Variants in DNAH3 observed in about 807,000 individuals in gnomAD.
DNAH3 encodes the protein dynein axonemal heavy chain 3.
In DNAH3, 332 loss-of-function variants were observed where a neutral mutation model predicts 432.5. The observed-to-expected ratio is 0.77, with a 90% CI of 0.70 to 0.84. The LOEUF (loss-of-function observed/expected upper bound fraction) is 0.84, where lower values mean the gene tolerates loss of function less well. Among genes scored for constraint, DNAH3 ranks in the 40% least tolerant of loss-of-function variants. DNAH3 has a pLI of 0.00. For missense variants in DNAH3, 4,861 were observed against 5,114.0 expected, an observed-to-expected ratio of 0.95 and a Z score of 1.51; for synonymous variants, 1,956 against 1,900.2, an observed-to-expected ratio of 1.03 and a Z score of -0.76.
At chr16:21,074,932 G>A (rs1429948794) in intron 21 of DNAH3, among the ~76,000 whole-genome samples, 2 of 152,296 alleles carry the variant, frequency 1.3e-5, no homozygotes, top group African/African-American at 2.4e-5. Context: ...AAGTGCAAGT[G>A]AAAAGAAAGA....
chr16:21,057,680 C>T (rs990064629), intron 27 of DNAH3, among the ~76,000 whole-genome samples: 11 of 151,992 alleles, frequency 7.2e-5, no homozygotes, highest in African/African-American at 2.2e-4. Flanking sequence ...GAAGGCAGGA[C>T]GGGAGGTGGG....
intron 41 of DNAH3, among the ~76,000 whole-genome samples, chr16:21,009,975 AGAG>A (rs2087513079): frequency 6.6e-6 from 1 of 151,868 alleles, no homozygotes; most frequent in Admixed American, 6.6e-5. Flanking sequence ...GGAGAAGAGA[AGAG>A]AAGAGAAAAG....
At chr16:21,000,026 A>G (rs1398890071) in intron 43 of DNAH3, among the ~76,000 whole-genome samples, 198 bp downstream of exon 43, 1 of 150,672 alleles carries the variant, frequency 6.6e-6, no homozygotes, top group African/African-American at 2.4e-5. Context: ...GGGAAGAAGG[A>G]AAGGAGGGAG....
exon 34 of DNAH3, chr16:21,037,953 G>A: frequency 6.2e-7 from 1 of 1,614,182 alleles, no homozygotes; most frequent in Non-Finnish European, 8.5e-7. Flanking sequence ...AGCACAGGCG[G>A]TAGGTCGCAA....
exon 33 of DNAH3, chr16:21,039,907 A>G (rs748976120): frequency 6.2e-7 from 1 of 1,613,742 alleles, no homozygotes; most frequent in East Asian, 2.2e-5. Flanking sequence ...ATGAGGGCGT[A>G]ATCTGGGACC....
At chr16:21,139,578 G>A (rs1397769072) in intron 5 of DNAH3, among the ~76,000 whole-genome samples, 3 of 151,746 alleles carry the variant, frequency 2.0e-5, no homozygotes, top group Admixed American at 6.6e-5. Context: ...CCAGGGACAA[G>A]TGATCCTCCC....
intron 52 of DNAH3, among the ~76,000 whole-genome samples, chr16:20,966,014 ATTTTTTTTTTTTTTTTTTTTTTTT>A (rs555983378): frequency 0.012 from 575 of 48,426 alleles, 40 homozygotes; most frequent in African/African-American, 0.045. Context: ...TGCCCAGCCA[ATTTTTTTTTTTTTTTTTTTTTTTT>A]TTTTTTTTTT....
chr16:20,994,168 G>A (rs898417688), intron 44 of DNAH3, among the ~76,000 whole-genome samples: 4 of 151,960 alleles, frequency 2.6e-5, no homozygotes, highest in Non-Finnish European at 4.4e-5. Context: ...AGTGGCTCAC[G>A]CCTGTAATCC....
intron 57 of DNAH3, 65 bp downstream of exon 57, chr16:20,948,418 G>A: frequency 4.5e-6 from 7 of 1,543,220 alleles, no homozygotes; most frequent in South Asian, 2.4e-5. Context: ...CTGCAGCCCT[G>A]TAGCCATATA....
At chr16:21,059,288 A>C (rs1299810265) in intron 26 of DNAH3, among the ~76,000 whole-genome samples, 1 of 152,212 alleles carries the variant, frequency 6.6e-6, no homozygotes, top group Non-Finnish European at 1.5e-5. Flanking sequence ...GATTTGGATG[A>C]AATAATTTCA....
intron 18 of DNAH3, among the ~76,000 whole-genome samples, chr16:21,090,835 C>T (rs1051492426): frequency 6.6e-5 from 10 of 152,226 alleles, no homozygotes; most frequent in African/African-American, 2.4e-4. Context: ...TATTGTAGTG[C>T]ATGGTGACTG....
intron 32 of DNAH3, among the ~76,000 whole-genome samples, chr16:21,041,537 T>C (rs1283893322): frequency 1.3e-5 from 2 of 152,108 alleles, no homozygotes; most frequent in African/African-American, 4.8e-5. Context: ...TCAGAATGCA[T>C]TAGTAACAGG....
chr16:21,016,149 C>G (rs752423406), intron 41 of DNAH3, among the ~76,000 whole-genome samples: 1 of 152,112 alleles, frequency 6.6e-6, no homozygotes, highest in South Asian at 2.1e-4. Context: ...CTCAGTGAGG[C>G]ACAAGGGAAG....
At chr16:21,034,528 G>A (rs1662128543) in intron 35 of DNAH3, among the ~76,000 whole-genome samples, 2 of 152,148 alleles carry the variant, frequency 1.3e-5, no homozygotes, top group Admixed American at 1.3e-4. Context: ...TATTTTTAAA[G>A]AGAAAAAGAA....
intron 44 of DNAH3, among the ~76,000 whole-genome samples, chr16:20,991,950 T>C (rs2086577079): frequency 1.3e-5 from 2 of 152,198 alleles, no homozygotes; most frequent in African/African-American, 4.8e-5. Context: ...TTCTTTTTCA[T>C]CTATTAGTTG....
At chr16:21,024,536 C>A (rs910625950) in intron 39 of DNAH3, 60 bp downstream of exon 39, 1 of 1,261,282 alleles carries the variant, frequency 7.9e-7, no homozygotes, top group African/African-American at 1.5e-5. Flanking sequence ...ACCTAGAAGA[C>A]CCTCGAGATG....
chr16:21,113,753 C>T (rs1010947410), intron 12 of DNAH3, among the ~76,000 whole-genome samples: 2 of 152,290 alleles, frequency 1.3e-5, no homozygotes, highest in Middle Eastern at 3.4e-3. Flanking sequence ...ATCACCAGGC[C>T]GGGCCCAATG....
exon 61 of DNAH3, chr16:20,935,382 G>T (rs761900480): frequency 1.9e-6 from 3 of 1,613,700 alleles, no homozygotes; most frequent in Non-Finnish European, 8.5e-7. Context: ...AATGGGGATG[G>T]TATATTTCCG....
intron 50 of DNAH3, among the ~76,000 whole-genome samples, chr16:20,977,161 G>A (rs889334193): frequency 1.3e-5 from 2 of 152,144 alleles, no homozygotes; most frequent in Non-Finnish European, 2.9e-5. Context: ...GATCACTTGA[G>A]GTCTCAGGAG....
Sources: allele counts gnomAD v4.1 joint callset (sites outside exome capture counted in the v4.1 genomes callset), GRCh38; gene constraint gnomAD v4.1.1; transcripts MANE v1.5; gene names NCBI Gene and HGNC (gene_info 2026-07-23, HGNC 2026-07-21).